SLC9A9: variants seen among roughly 807,000 people sequenced by gnomAD.
SLC9A9 encodes sodium/hydrogen exchanger 9.
In SLC9A9, 62 loss-of-function variants were observed where a neutral mutation model predicts 77.8. That is an observed-to-expected ratio of 0.80 (90% confidence interval 0.65 to 0.98). The LOEUF (loss-of-function observed/expected upper bound fraction) is 0.98, where lower values mean the gene tolerates loss of function less well. Among genes scored for constraint, SLC9A9 ranks in the 50% least tolerant of loss-of-function variants. SLC9A9 has a pLI of 0.00. For missense variants in SLC9A9, 775 were observed against 774.9 expected (o/e 1.00, Z 0.00); for synonymous variants, 320 against 283.5 (o/e 1.13, Z -1.29).
chr3:143,714,590 C>T (rs940823671), intron 4 of SLC9A9, among the ~76,000 whole-genome samples: 1 of 152,172 alleles, frequency 6.6e-6, no homozygotes, highest in African/African-American at 2.4e-5. Context: ...TATTTCCATG[C>T]TCAAAACCCT....
intron 2 of SLC9A9, among the ~76,000 whole-genome samples, chr3:143,808,259 TA>T (rs2008776271): frequency 6.6e-6 from 1 of 152,238 alleles, no homozygotes; most frequent in Admixed American, 6.5e-5. Flanking sequence ...CAGACATGAT[TA>T]AACTCCAGCC....
chr3:143,555,297 T>C (rs2036961704), intron 8 of SLC9A9, among the ~76,000 whole-genome samples: 1 of 152,216 alleles, frequency 6.6e-6, no homozygotes. Context: ...ACGTGGAACT[T>C]TGAGTCCATT....
chr3:143,645,864 T>C (rs1045451617), intron 6 of SLC9A9, among the ~76,000 whole-genome samples: 3 of 152,046 alleles, frequency 2.0e-5, no homozygotes, highest in Non-Finnish European at 1.5e-5. Context: ...TTTATTGTCA[T>C]CCAAGAGTCA....
intron 9 of SLC9A9, among the ~76,000 whole-genome samples, chr3:143,544,478 C>T (rs755709113): frequency 6.6e-6 from 1 of 152,100 alleles, no homozygotes; most frequent in Non-Finnish European, 1.5e-5. Context: ...CCGCCCGCCT[C>T]GGCCTTCCAA....
chr3:143,606,428 CTCTCTCTCTATATATA>C (rs1209901535), intron 6 of SLC9A9, among the ~76,000 whole-genome samples: 39 of 69,886 alleles, frequency 5.6e-4, no homozygotes, highest in African/African-American at 1.9e-3. Context: ...CTCTCTCTCT[CTCTCTCTCTATATATA>C]TATATATATA....
intron 2 of SLC9A9, among the ~76,000 whole-genome samples, chr3:143,827,431 C>G (rs1164047008): frequency 2.0e-5 from 3 of 152,114 alleles, no homozygotes; most frequent in African/African-American, 4.8e-5. Context: ...CTTTTCTACA[C>G]TTTTATCTGT....
At chr3:143,715,720 A>G (rs1266702293) in intron 4 of SLC9A9, among the ~76,000 whole-genome samples, 2 of 152,182 alleles carry the variant, frequency 1.3e-5, no homozygotes, top group African/African-American at 4.8e-5. Flanking sequence ...AGGCCAAGGC[A>G]GGAATGAGAC....
intron 6 of SLC9A9, among the ~76,000 whole-genome samples, chr3:143,602,832 T>C (rs903806834): frequency 6.6e-6 from 1 of 152,230 alleles, no homozygotes; most frequent in Non-Finnish European, 1.5e-5. Context: ...ACTCTGTCCC[T>C]GAGGGCCATT....
intron 13 of SLC9A9, among the ~76,000 whole-genome samples, chr3:143,374,925 C>T (rs572934865): frequency 6.6e-6 from 1 of 152,158 alleles, no homozygotes; most frequent in East Asian, 1.9e-4. Context: ...TCCCACTGCC[C>T]CAAACACCTA....
rs1201120134 is a variant in SLC9A9, at chr3:143,604,824, T to C, written c.756-26101A>G. Among the ~76,000 whole-genome samples, 4 of 152,204 alleles carry C rather than the reference T, an allele frequency of 2.6e-5. No homozygotes were observed. In the East Asian group the frequency reaches 7.7e-4, roughly 29 times the overall value. ...GTACTCCCACTCAGCTGTGATATTG[T>C]TGAATTCTTGCAAAACAAGAAAGAA... On this transcript the variant is annotated intron_variant, in intron 6 of 15. Coordinates refer to ENST00000316549, the MANE Select transcript of SLC9A9 (RefSeq NM_173653.4).
intron 5 of SLC9A9, among the ~76,000 whole-genome samples, chr3:143,666,767 C>T (rs55999188): frequency 0.028 from 4,313 of 152,242 alleles, 74 homozygotes; most frequent in Middle Eastern, 0.041. Context: ...AGGAATCCAA[C>T]TTACAAGGGA....
intron 5 of SLC9A9, among the ~76,000 whole-genome samples, chr3:143,662,920 C>G (rs1166083580): frequency 6.6e-6 from 1 of 151,996 alleles, no homozygotes; most frequent in African/African-American, 2.4e-5. Flanking sequence ...CAGACTTAAA[C>G]GTCCCTGCCT....
chr3:143,650,262 GA>G (rs1372013761), intron 6 of SLC9A9, among the ~76,000 whole-genome samples: 3 of 152,202 alleles, frequency 2.0e-5, no homozygotes, highest in Non-Finnish European at 2.9e-5. Flanking sequence ...ACCTTTAAAT[GA>G]TATGCAAATA....
intron 5 of SLC9A9, among the ~76,000 whole-genome samples, chr3:143,668,014 C>T (rs989500104): frequency 5.9e-5 from 9 of 152,102 alleles, no homozygotes; most frequent in South Asian, 2.1e-4. Context: ...AATCATGCTG[C>T]CATAAAGACA....
At chr3:143,325,617 GAGAAA>G (rs2031570193) in intron 14 of SLC9A9, among the ~76,000 whole-genome samples, 1 of 152,158 alleles carries the variant, frequency 6.6e-6, no homozygotes. Flanking sequence ...TTGTGCATAG[GAGAAA>G]CTGACAGCCA....
intron 12 of SLC9A9, among the ~76,000 whole-genome samples, chr3:143,426,626 T>C (rs2034413194): frequency 5.3e-5 from 8 of 152,202 alleles, no homozygotes; most frequent in Admixed American, 5.2e-4. Context: ...GCATGCAGCA[T>C]GCAGAAAAAA....
At chr3:143,717,287 T>C (rs1934380340) in intron 4 of SLC9A9, among the ~76,000 whole-genome samples, 1 of 152,254 alleles carries the variant, frequency 6.6e-6, no homozygotes, top group Non-Finnish European at 1.5e-5. Flanking sequence ...TGCTGGTCAC[T>C]GGACTAGATG....
At position 143,277,673 on chromosome 3, in the gene SLC9A9, G is replaced by A. The variant is rs879931063; in HGVS notation, c.1605-8693C>T. On this transcript the variant is annotated intron_variant, in intron 14 of 15. Transcript: ENST00000316549. ...TGTTTTGAAAGAAAACATTTCTGGCGAAGAATGCTGCTGCCACTTGCATAG... is the reference window on the plus strand; with the variant it reads ...TGTTTTGAAAGAAAACATTTCTGGCAAAGAATGCTGCTGCCACTTGCATAG... 4.6e-5 allele frequency among the ~76,000 whole-genome samples: 7 copies of A among 152,292 alleles called. No homozygotes were observed. In the East Asian group the frequency reaches 5.8e-4, roughly 13 times the overall value.
chr3:143,291,521 C>T (rs1485636687), intron 14 of SLC9A9, among the ~76,000 whole-genome samples: 2 of 152,182 alleles, frequency 1.3e-5, no homozygotes, highest in African/African-American at 4.8e-5. Context: ...TCTGTCTCTC[C>T]ACCCGAAGGG....
Sources: gnomAD v4.1 joint callset for allele counts (sites outside exome capture counted in the v4.1 genomes callset) on GRCh38, gnomAD v4.1.1 for gene constraint, MANE v1.5 for transcripts, NCBI Gene and HGNC (gene_info 2026-07-23, HGNC 2026-07-21) for gene names.